Variants in ZNF676 observed in about 807,000 individuals in gnomAD.
ZNF676 encodes the protein zinc finger protein 676.
ZNF676 carries 4 observed loss-of-function variants against 6.0 expected under a neutral mutation model. That is an observed-to-expected ratio of 0.67 (90% CI 0.33 to 1.53). The LOEUF is 1.53. Ranked by LOEUF, ZNF676 falls within the 40% of genes most tolerant of loss-of-function variation. The pLI, the probability that ZNF676 is intolerant of heterozygous loss-of-function variation, is 0.06. For synonymous variants in ZNF676, 198 were observed against 223.1 expected, an observed-to-expected ratio of 0.89 and a Z score of 1.00; for missense variants, 644 against 679.7, an observed-to-expected ratio of 0.95 and a Z score of 0.58.
chr19:22,248,091 G>C, the ZNF676 span, among the ~76,000 whole-genome samples: 2 of 148,970 alleles, frequency 1.3e-5, no homozygotes, highest in African/African-American at 5.0e-5. Flanking sequence ...ATTTTTTTAT[G>C]GCTGCATAGT....
upstream of ZNF676, among the ~76,000 whole-genome samples, chr19:22,220,610 C>G (rs909385983): frequency 6.6e-6 from 1 of 152,052 alleles, no homozygotes; most frequent in African/African-American, 2.4e-5. Context: ...GCACAAACCA[C>G]CATACCTGGC....
the ZNF676 span, among the ~76,000 whole-genome samples, chr19:22,233,990 T>C: frequency 7.2e-5 from 11 of 152,248 alleles, 1 homozygote; most frequent in East Asian, 1.2e-3. Flanking sequence ...AATTTTTCAA[T>C]GGTGCTTCTT....
upstream of ZNF676, among the ~76,000 whole-genome samples, chr19:22,199,742 T>C (rs781770130): frequency 6.6e-6 from 1 of 152,166 alleles, no homozygotes; most frequent in Non-Finnish European, 1.5e-5. Flanking sequence ...TTGTGACTTG[T>C]GAATCAACTG....
chr19:22,194,010 G>T (rs1439344171), intron 1 of ZNF676, among the ~76,000 whole-genome samples: 1 of 152,134 alleles, frequency 6.6e-6, no homozygotes, highest in East Asian at 1.9e-4. Context: ...AGAAATGTGT[G>T]CAGATCAGGC....
upstream of ZNF676, among the ~76,000 whole-genome samples, chr19:22,219,853 C>T (rs1392594844): frequency 2.0e-5 from 3 of 151,954 alleles, no homozygotes; most frequent in Non-Finnish European, 2.9e-5. Context: ...CGAGGTTTCA[C>T]CATGTTGGCC....
the ZNF676 span, among the ~76,000 whole-genome samples, chr19:22,240,212 C>T: frequency 6.7e-6 from 1 of 149,878 alleles, no homozygotes; most frequent in African/African-American, 2.5e-5. Context: ...GGGCAGGGGC[C>T]AGGCAGAAGA....
intron 2 of ZNF676, among the ~76,000 whole-genome samples, chr19:22,181,928 ATTTTTT>A (rs11309473): frequency 1.4e-5 from 2 of 145,126 alleles, no homozygotes; most frequent in East Asian, 4.0e-4. Flanking sequence ...TCCATTTCTG[ATTTTTT>A]TTTTTTTTTA....
At chr19:22,212,976 C>CA (rs2024145435) in intron 1 of ZNF676, among the ~76,000 whole-genome samples, 1 of 151,850 alleles carries the variant, frequency 6.6e-6, no homozygotes, top group South Asian at 2.1e-4. Flanking sequence ...GCCTGGGCGA[C>CA]AGAGGGAGAC....
intron 1 of ZNF676, among the ~76,000 whole-genome samples, chr19:22,211,320 G>T (rs905164362): frequency 2.6e-5 from 4 of 152,064 alleles, no homozygotes; most frequent in African/African-American, 9.7e-5. Context: ...CTGCAGGAAA[G>T]GCTTTCCAGA....
At chr19:22,220,523 T>C (rs2024238130), upstream of ZNF676, among the ~76,000 whole-genome samples, 1 of 151,450 alleles carries the variant, frequency 6.6e-6, no homozygotes, top group African/African-American at 2.4e-5. Context: ...AGTGGTGCGA[T>C]GTTGACTCAC....
the ZNF676 span, among the ~76,000 whole-genome samples, chr19:22,233,640 G>T: frequency 2.0e-5 from 3 of 152,246 alleles, no homozygotes; most frequent in Non-Finnish European, 2.9e-5. Context: ...TGGTACTGCA[G>T]TCTCTCTGCT....
At chr19:22,219,010 G>A (rs2144850262), upstream of ZNF676, among the ~76,000 whole-genome samples, 1 of 123,746 alleles carries the variant, frequency 8.1e-6, no homozygotes, top group Admixed American at 7.6e-5. Flanking sequence ...TAAATTTTAG[G>A]ATTTTTTTTT....
upstream of ZNF676, among the ~76,000 whole-genome samples, chr19:22,197,776 G>A (rs1328595220): frequency 6.6e-6 from 1 of 152,114 alleles, no homozygotes. Context: ...GTAAAAAAAT[G>A]TGTCAGAGAG....
chr19:22,229,101 T>C, the ZNF676 span, among the ~76,000 whole-genome samples: 1 of 152,144 alleles, frequency 6.6e-6, no homozygotes, highest in African/African-American at 2.4e-5. Flanking sequence ...CTTCAAACTA[T>C]TGTAAAAGGC....
At position 22,180,369 on chromosome 19, in the gene ZNF676, T is replaced by G; in HGVS notation, c.1348A>C (p.Lys450Gln). Residue 450 changes from lysine (K) to glutamine (Q), a missense_variant, in exon 3 of 3, where the codon AAA becomes CAA. This residue lies in a region of ZNF676 where 306 missense variants were observed against 265.4 expected (regional missense o/e 1.15). Transcript: ENST00000397121. ...AAGGCTTTGCCACATTCTTCACATT[T>G]GTAGGGTTTCTCTCCAGCATGAATT... ...KRIHAGEKPY[K>Q]CEECGKAFTW... 5.6e-6 allele frequency: 9 copies of G among 1,613,970 alleles called. No homozygotes were observed. The highest frequency in any genetic ancestry group is 7.6e-6 in the Non-Finnish European group (9 of 1,179,908).
At chr19:22,249,727 T>A in the ZNF676 span, among the ~76,000 whole-genome samples, 5,037 of 150,096 alleles carry the variant, frequency 0.034, 263 homozygotes, top group African/African-American at 0.12. Context: ...TCAGTTTTTT[T>A]AAATAAATTA....
intron 1 of ZNF676, among the ~76,000 whole-genome samples, chr19:22,208,526 T>C (rs971888250): frequency 2.0e-5 from 3 of 152,216 alleles, no homozygotes; most frequent in Admixed American, 6.5e-5. Flanking sequence ...ACGGGGTTTA[T>C]ACCTAAAAAT....
chr19:22,248,359 C>A, the ZNF676 span, among the ~76,000 whole-genome samples: 1 of 152,238 alleles, frequency 6.6e-6, no homozygotes, highest in Non-Finnish European at 1.5e-5. Context: ...TACAGTCCCA[C>A]CAACAGTGTA....
intron 1 of ZNF676, among the ~76,000 whole-genome samples, chr19:22,205,381 A>G (rs2024066841): frequency 6.6e-6 from 1 of 152,148 alleles, no homozygotes; most frequent in Admixed American, 6.6e-5. Flanking sequence ...CATGGCACAT[A>G]CTCTAAAATT....
Sources: gnomAD v4.1 joint callset for allele counts (sites outside exome capture counted in the v4.1 genomes callset) on GRCh38, gnomAD v4.1.1 for gene constraint, gnomAD v4.1.1 regional missense constraint, MANE v1.5 for transcripts, NCBI Gene and HGNC (gene_info 2026-07-23, HGNC 2026-07-21) for gene names.